Variants in RBFOX2 observed in about 807,000 individuals in gnomAD.
RBFOX2 encodes RNA binding protein fox-1 homolog 2.
In RBFOX2, 10 loss-of-function variants were observed where a neutral mutation model predicts 49.1. The ratio of observed to expected loss-of-function variants is 0.20; its 90% CI spans 0.13 to 0.35. The LOEUF (loss-of-function observed/expected upper bound fraction) is 0.35, where lower values mean the gene tolerates loss of function less well. Among genes scored for constraint, RBFOX2 ranks in the 10% least tolerant of loss-of-function variants. RBFOX2 has a pLI of 1.00. For synonymous variants in RBFOX2, 183 were observed against 187.4 expected (o/e 0.98, Z 0.19); for missense variants, 323 against 486.9 (o/e 0.66, Z 3.17).
chr22:35,920,512 T>C (rs566075108), intron 1 of RBFOX2, among the ~76,000 whole-genome samples: 8 of 152,314 alleles, frequency 5.3e-5, no homozygotes, highest in Non-Finnish European at 1.0e-4. Context: ...ACCTCAAACA[T>C]GTTTAGTATT....
chr22:35,786,812 C>A (rs567258331), intron 2 of RBFOX2, among the ~76,000 whole-genome samples: 1 of 152,336 alleles, frequency 6.6e-6, no homozygotes, highest in Non-Finnish European at 1.5e-5. Flanking sequence ...CAGTAAGCAG[C>A]AGACTAGGAA....
At chr22:35,782,047 T>C (rs191621919) in intron 2 of RBFOX2, among the ~76,000 whole-genome samples, 132 of 152,328 alleles carry the variant, frequency 8.7e-4, no homozygotes, top group African/African-American at 3.1e-3. Flanking sequence ...TGGAGATACA[T>C]TAGGATCTGA....
chr22:35,932,311 T>C (rs1045491243), intron 1 of RBFOX2, among the ~76,000 whole-genome samples: 6 of 151,512 alleles, frequency 4.0e-5, no homozygotes, highest in African/African-American at 7.3e-5. Flanking sequence ...ATGAAAAAAC[T>C]GGTTAGAAAA....
chr22:35,901,733 A>T (rs1194784294), intron 1 of RBFOX2, among the ~76,000 whole-genome samples: 4 of 152,140 alleles, frequency 2.6e-5, no homozygotes, highest in Non-Finnish European at 4.4e-5. Context: ...GATTTGTTAG[A>T]GCTCTTACTC....
At chr22:35,989,801 G>C (rs2150102960) in intron 1 of RBFOX2, among the ~76,000 whole-genome samples, 1 of 152,250 alleles carries the variant, frequency 6.6e-6, no homozygotes, top group South Asian at 2.1e-4. Flanking sequence ...GCAAGATTAA[G>C]TGAAGGGAAG....
chr22:35,847,838 C>A (rs2041412540), intron 1 of RBFOX2, among the ~76,000 whole-genome samples: 1 of 151,830 alleles, frequency 6.6e-6, no homozygotes. Context: ...GTACTAAATA[C>A]TAATAACCAA....
At chr22:35,830,687 G>A (rs1479638803) in intron 1 of RBFOX2, among the ~76,000 whole-genome samples, 1 of 151,986 alleles carries the variant, frequency 6.6e-6, no homozygotes, top group Non-Finnish European at 1.5e-5. Flanking sequence ...TATAGAAAAG[G>A]GACAGTAAAA....
chr22:35,896,757 C>A (rs1010975498), intron 1 of RBFOX2, among the ~76,000 whole-genome samples: 3 of 152,200 alleles, frequency 2.0e-5, no homozygotes. Flanking sequence ...CTCACCCAAA[C>A]CTTTTCTTTT....
intron 1 of RBFOX2, among the ~76,000 whole-genome samples, chr22:35,923,751 C>A (rs186502448): frequency 6.6e-6 from 1 of 151,890 alleles, no homozygotes; most frequent in East Asian, 1.9e-4. Context: ...GGGGTCTTAC[C>A]AAAGATCAAA....
At chr22:35,951,733 T>C (rs1454449876) in intron 1 of RBFOX2, among the ~76,000 whole-genome samples, 1 of 152,196 alleles carries the variant, frequency 6.6e-6, no homozygotes, top group Non-Finnish European at 1.5e-5. Flanking sequence ...CCCTGTGATA[T>C]ATCACTTTAT....
At chr22:35,776,849 G>GT (rs1944026081) in intron 4 of RBFOX2, among the ~76,000 whole-genome samples, 1 of 151,524 alleles carries the variant, frequency 6.6e-6, no homozygotes, top group African/African-American at 2.4e-5. Flanking sequence ...AAACTCTCAA[G>GT]TAACATGTGC....
intron 1 of RBFOX2, among the ~76,000 whole-genome samples, chr22:35,988,018 G>C (rs1295900465): frequency 1.3e-5 from 2 of 152,172 alleles, no homozygotes; most frequent in Admixed American, 6.5e-5. Context: ...AAGCTCCCCA[G>C]AGGATGCTAA....
intron 2 of RBFOX2, among the ~76,000 whole-genome samples, chr22:35,807,217 C>T (rs764537762): frequency 9.9e-5 from 15 of 152,042 alleles, no homozygotes; most frequent in Non-Finnish European, 1.8e-4. Context: ...GAAGTGATTA[C>T]ATTAATATCA....
At chr22:36,004,768 C>T (rs1399457590) in intron 1 of RBFOX2, among the ~76,000 whole-genome samples, 1 of 152,026 alleles carries the variant, frequency 6.6e-6, no homozygotes. Flanking sequence ...TGTACTCCAG[C>T]CTGGGCGACA....
At chr22:35,829,741 T>C (rs772473605) in intron 1 of RBFOX2, among the ~76,000 whole-genome samples, 8 of 152,194 alleles carry the variant, frequency 5.3e-5, no homozygotes, top group African/African-American at 1.2e-4. Context: ...AAGATGACTA[T>C]GCTCAATATA....
rs539393652 is a variant in RBFOX2, at chr22:35,837,753, T to C, written c.27+2439A>G. On this transcript the variant is annotated intron_variant, in intron 1 of 11. Coordinates refer to ENST00000405409, the Ensembl canonical transcript of RBFOX2. Reference sequence around the variant, plus strand: ...ATGGGCAAAAACTCATAACTTTTCTTCAATATTTAGCACATCCTGATAAAA... The same window carrying C: ...ATGGGCAAAAACTCATAACTTTTCTCCAATATTTAGCACATCCTGATAAAA... 3.3e-5 allele frequency among the ~76,000 whole-genome samples: 5 copies of C among 152,366 alleles called. No homozygotes were observed. The East Asian group carries it at 9.6e-4, about 29-fold the overall frequency.
intron 9 of RBFOX2, among the ~76,000 whole-genome samples, chr22:35,758,339 A>G (rs1315961133): frequency 6.6e-6 from 1 of 152,212 alleles, no homozygotes; most frequent in Non-Finnish European, 1.5e-5. Flanking sequence ...GAACAGGACT[A>G]AATTCAACCA....
At chr22:35,846,263 T>C (rs991631594) in intron 1 of RBFOX2, among the ~76,000 whole-genome samples, 2 of 149,526 alleles carry the variant, frequency 1.3e-5, no homozygotes, top group African/African-American at 4.9e-5. Flanking sequence ...AAGTATAAAC[T>C]ATATAAGTTA....
intron 1 of RBFOX2, among the ~76,000 whole-genome samples, chr22:35,957,779 AT>A (rs945439032): frequency 6.6e-6 from 1 of 152,244 alleles, no homozygotes; most frequent in Non-Finnish European, 1.5e-5. Context: ...CTGTGCAATC[AT>A]TGATAATTAT....
Sources: allele counts gnomAD v4.1 joint callset (sites outside exome capture counted in the v4.1 genomes callset), GRCh38; gene constraint gnomAD v4.1.1; transcripts MANE v1.5; gene names NCBI Gene and HGNC (gene_info 2026-07-23, HGNC 2026-07-21).